Variants in GLRA2 observed in about 807,000 individuals in gnomAD.
The protein encoded by GLRA2 is glycine receptor alpha 2.
GLRA2 carries 11 observed loss-of-function variants against 31.6 expected under a neutral mutation model. That is an observed-to-expected ratio of 0.35 (90% CI 0.22 to 0.58). GLRA2 has a LOEUF of 0.58. GLRA2 is among the 20% of genes least tolerant of loss of function. GLRA2 has a pLI of 0.84. For missense variants in GLRA2, 212 were observed against 351.8 expected (o/e 0.60, Z 3.18); for synonymous variants, 132 against 134.0 (o/e 0.99, Z 0.10).
intron 2 of GLRA2, among the ~76,000 whole-genome samples, chrX:14,572,358 T>C (rs1569498899): frequency 8.9e-6 from 1 of 112,005 alleles, no homozygotes; most frequent in African/African-American, 3.2e-5. Context: ...ATCTTGCATA[T>C]AAGAATTCAG....
At chrX:14,531,265 T>A (rs2089252007) in intron 1 of GLRA2, 1 of 437,871 alleles carries the variant, frequency 2.3e-6, no homozygotes, top group East Asian at 9.5e-5. Context: ...ACCCCTTCTT[T>A]GAAAAGCTGG....
rs58282642 is a variant in GLRA2 at position 14,557,102 on chromosome X, CTTTTTTTTTTTTTTTT to C, written c.203-17215_203-17200del. Among the ~76,000 whole-genome samples, 32 of 46,349 alleles carry C rather than the reference CTTTTTTTTTTTTTTTT, an allele frequency of 6.9e-4. No homozygotes were observed. In the East Asian group the frequency reaches 0.02, roughly 29 times the overall value. 40.2% of individuals were successfully genotyped at this position (46,349 alleles called of 115,157 possible). ...TGCCATGTCTTCACCTAAAGTATTT[CTTTTTTTTTTTTTTTT>C]TTTTTTTTTTTTTTTGAGACGGAGT... On this transcript the variant is annotated intron_variant, in intron 2 of 8. Transcript: ENST00000218075.
chrX:14,477,929 A>C, the GLRA2 span, among the ~76,000 whole-genome samples: 1 of 110,600 alleles, frequency 9.0e-6, no homozygotes, highest in Non-Finnish European at 1.9e-5. Context: ...TGTGACCTAA[A>C]CTGGACAAAA....
At chrX:14,629,723 A>G (rs1023786358) in intron 7 of GLRA2, among the ~76,000 whole-genome samples, 1 of 111,096 alleles carries the variant, frequency 9.0e-6, no homozygotes, top group Admixed American at 9.6e-5. Context: ...AGCCTTTGTT[A>G]GCCTATTGTC....
chrX:14,636,478 C>T (rs150584097), intron 7 of GLRA2, among the ~76,000 whole-genome samples: 48 of 111,127 alleles, frequency 4.3e-4, no homozygotes, highest in Non-Finnish European at 7.4e-4. Context: ...AGGAACACAT[C>T]AGACAGTTCC....
Position 14,606,012 on chromosome X carries a change from A to C in GLRA2, c.578-1119A>C, listed in dbSNP as rs752270134. On this transcript the variant is annotated intron_variant, in intron 5 of 8. Coordinates refer to ENST00000218075, the MANE Select transcript of GLRA2 (RefSeq NM_002063.4). ...GTATCTCCTTGCTTTCCATGTTCTTATTATTTTTTTTTTTTTGGCTTTATG... is the reference window on the plus strand; with the variant it reads ...GTATCTCCTTGCTTTCCATGTTCTTCTTATTTTTTTTTTTTTGGCTTTATG... Among the ~76,000 whole-genome samples, 5 of 90,232 alleles carry C rather than the reference A, an allele frequency of 5.5e-5. No homozygotes were observed. The East Asian group carries it at 9.5e-4, about 17-fold the overall frequency. The allele number at this position is 90,232 out of a possible 115,157, so 78.4% of individuals were successfully genotyped here.
rs761010109 is a variant in GLRA2 at position 14,718,025 on chromosome X, G to C, written c.1081-12182G>C. ...CCTGCTAATGTATCATTACTGAGAT[G>C]AAGTCAAGATGTTTATTTTTCAAGC... On this transcript the variant is annotated intron_variant, in intron 8 of 8. Transcript: ENST00000218075. Among the ~76,000 whole-genome samples, 5 of 110,940 alleles carry C rather than the reference G, an allele frequency of 4.5e-5. No homozygotes were observed. The South Asian group carries it at 1.1e-3, about 25-fold the overall frequency.
intron 7 of GLRA2, among the ~76,000 whole-genome samples, chrX:14,645,439 A>G (rs1212731450): frequency 1.8e-5 from 2 of 111,799 alleles, no homozygotes; most frequent in Admixed American, 1.9e-4. Flanking sequence ...GGGATGGATC[A>G]TCTATTTGTC....
At chrX:14,543,944 G>A (rs2089442437) in intron 2 of GLRA2, among the ~76,000 whole-genome samples, 1 of 111,182 alleles carries the variant, frequency 9.0e-6, no homozygotes, top group Non-Finnish European at 1.9e-5. Flanking sequence ...TGTAGTTTTG[G>A]TAAAATCCAG....
intron 7 of GLRA2, among the ~76,000 whole-genome samples, chrX:14,634,357 A>C (rs2090685995): frequency 8.9e-6 from 1 of 112,207 alleles, no homozygotes; most frequent in South Asian, 3.7e-4. Flanking sequence ...AGAAGTACAT[A>C]GTTCTGTTTG....
chrX:14,452,360 T>C, the GLRA2 span, among the ~76,000 whole-genome samples: 1 of 112,702 alleles, frequency 8.9e-6, no homozygotes, highest in Non-Finnish European at 1.9e-5. Context: ...AAAATGACCC[T>C]TTCTTTGATT....
rs183852962 is a variant in GLRA2, at chrX:14,564,060, C to A, written c.203-10273C>A. 4.5e-3 allele frequency among the ~76,000 whole-genome samples: 497 copies of A among 111,178 alleles called. 4 individuals carry two copies. Among genetic ancestry groups the A allele is most frequent in the Middle Eastern group, 0.019 (4 of 216 alleles). On this transcript the variant is annotated intron_variant, in intron 2 of 8. Transcript: ENST00000218075. ...TGAATAAAAAAATTTTGAGAAATAA[C>A]AGTTCCCACATTTTATGAAATATGT...
At chrX:14,584,070 G>T (rs2090054698) in intron 4 of GLRA2, among the ~76,000 whole-genome samples, 1 of 109,801 alleles carries the variant, frequency 9.1e-6, no homozygotes, top group African/African-American at 3.3e-5. Context: ...GAAAGAGGAG[G>T]ACGAGAATCA....
Position 14,532,224 on chromosome X carries a change from T to G in GLRA2, c.69-15T>G. The stretch of plus-strand genomic sequence containing the variant: ...CAAATGAAATTGTTGCTAAAAGAGT[T>G]AATGATGTGTTTAGGACGGCTTTCT... On this transcript the variant is annotated splice_polypyrimidine_tract_variant and intron_variant, in intron 1 of 8. Coordinates refer to ENST00000218075, the MANE Select transcript of GLRA2 (RefSeq NM_002063.4). The G allele has an allele frequency of 4.5e-6, 5 of 1,099,479 alleles. No homozygotes were observed. Among genetic ancestry groups the G allele is most frequent in the Non-Finnish European group, 6.0e-6 (5 of 829,306 alleles). The allele number at this position is 1,099,479 out of a possible 1,213,427, so 90.6% of individuals were successfully genotyped here. A position where few individuals can be genotyped will look rare whatever the true frequency, so the allele number is the denominator to read the frequency against.
Position 14,687,074 on chromosome X carries a change from G to A in GLRA2, c.931-3636G>A, listed in dbSNP as rs1332872769. Among the ~76,000 whole-genome samples the A allele has an allele frequency of 2.7e-5, 3 of 111,786 alleles. No individual in the cohort carries two copies. The Admixed American group carries it at 2.8e-4, about 11-fold the overall frequency. On this transcript the variant is annotated intron_variant, in intron 7 of 8. Transcript: ENST00000218075. ...TCCTTTACTTATGAAGCTTAGTTTGGCTGGATATGAAATTCTGGGTTGAAA... is the reference window on the plus strand; with the variant it reads ...TCCTTTACTTATGAAGCTTAGTTTGACTGGATATGAAATTCTGGGTTGAAA...
At chrX:14,514,661 A>G in the GLRA2 span, among the ~76,000 whole-genome samples, 1 of 111,426 alleles carries the variant, frequency 9.0e-6, no homozygotes, top group South Asian at 3.8e-4. Flanking sequence ...CCAGAGAAAG[A>G]AAGATTCTTT....
chrX:14,609,858 G>C (rs1156646840), intron 7 of GLRA2, among the ~76,000 whole-genome samples: 1 of 111,651 alleles, frequency 9.0e-6, no homozygotes. Context: ...GGTGACAGAG[G>C]AGTGTGGGAT....
At chrX:14,697,767 A>G (rs1466382168) in intron 8 of GLRA2, among the ~76,000 whole-genome samples, 3 of 111,844 alleles carry the variant, frequency 2.7e-5, no homozygotes, top group Non-Finnish European at 5.6e-5. Flanking sequence ...AACATGGAAA[A>G]TCACAGGTTC....
chrX:14,681,891 C>CAAAAAAAAAAA (rs1157722406), intron 7 of GLRA2, among the ~76,000 whole-genome samples: 6 of 26,685 alleles, frequency 2.2e-4, no homozygotes, highest in African/African-American at 5.5e-4. Context: ...GACACCATCT[C>CAAAAAAAAAAA]AAAAAAAAAA....
Sources: allele counts gnomAD v4.1 joint callset (sites outside exome capture counted in the v4.1 genomes callset), GRCh38; gene constraint gnomAD v4.1.1; transcripts MANE v1.5; gene names NCBI Gene and HGNC (gene_info 2026-07-23, HGNC 2026-07-21).